CNTNAP2: variants seen among roughly 807,000 people sequenced by gnomAD.
CNTNAP2 encodes the protein contactin-associated protein-like 2.
In CNTNAP2, 98 loss-of-function variants were observed where a neutral mutation model predicts 155.2. That is an observed-to-expected ratio of 0.63 (90% CI 0.54 to 0.75). The LOEUF (loss-of-function observed/expected upper bound fraction) is 0.75, where lower values mean the gene tolerates loss of function less well. Among genes scored for constraint, CNTNAP2 ranks in the 30% least tolerant of loss-of-function variants. The probability of loss-of-function intolerance (pLI) is 0.00; values close to 1 mark genes in which losing one functional copy is unlikely to be tolerated. For synonymous variants in CNTNAP2, 651 were observed against 631.2 expected (o/e 1.03, Z -0.47); for missense variants, 1,727 against 1,688.1 (o/e 1.02, Z -0.40).
At chr7:148,126,596 AAGTC>A (rs778511515) in intron 16 of CNTNAP2, among the ~76,000 whole-genome samples, 72 of 152,202 alleles carry the variant, frequency 4.7e-4, no homozygotes, top group Non-Finnish European at 8.5e-4. Context: ...GCTGCGGAGA[AAGTC>A]AGGGCACTGG....
intron 12 of CNTNAP2, among the ~76,000 whole-genome samples, chr7:147,621,943 T>C (rs28791021): frequency 0.02 from 3,086 of 151,932 alleles, 112 homozygotes; most frequent in African/African-American, 0.07. Flanking sequence ...GAAAAAGATA[T>C]ATTCCATGCA....
At chr7:147,260,931 C>T (rs1345019556) in intron 8 of CNTNAP2, among the ~76,000 whole-genome samples, 1 of 152,164 alleles carries the variant, frequency 6.6e-6, no homozygotes, top group South Asian at 2.1e-4. Context: ...GAAGCTCCAA[C>T]AATCAGCGTT....
At chr7:146,888,828 C>T (rs1795720637) in intron 3 of CNTNAP2, among the ~76,000 whole-genome samples, 1 of 151,630 alleles carries the variant, frequency 6.6e-6, no homozygotes, top group African/African-American at 2.4e-5. Context: ...GAGTGGTTGC[C>T]AGGGGATAAG....
At chr7:148,194,758 A>G (rs1302781596) in intron 18 of CNTNAP2, among the ~76,000 whole-genome samples, 1 of 152,164 alleles carries the variant, frequency 6.6e-6, no homozygotes, top group Non-Finnish European at 1.5e-5. Flanking sequence ...CTCAAGAAAA[A>G]AAAGAGACAA....
intron 21 of CNTNAP2, among the ~76,000 whole-genome samples, chr7:148,365,763 T>TGC (rs1426024921): frequency 0.021 from 1,663 of 80,492 alleles, 567 homozygotes; most frequent in Non-Finnish European, 0.03. Context: ...TGTATGTGTA[T>TGC]ACGTGTATAC....
chr7:148,083,186 G>A (rs1316965663), intron 15 of CNTNAP2, among the ~76,000 whole-genome samples: 2 of 152,196 alleles, frequency 1.3e-5, no homozygotes. Context: ...GCTTTGTCGA[G>A]ATGGGAGATA....
intron 12 of CNTNAP2, among the ~76,000 whole-genome samples, chr7:147,596,200 G>A (rs1402374759): frequency 6.6e-6 from 1 of 151,976 alleles, no homozygotes; most frequent in African/African-American, 2.4e-5. Flanking sequence ...CAAAAAACTG[G>A]CAGTCATCAT....
chr7:147,757,363 C>T (rs889019086), intron 13 of CNTNAP2, among the ~76,000 whole-genome samples: 1 of 152,136 alleles, frequency 6.6e-6, no homozygotes, highest in African/African-American at 2.4e-5. Flanking sequence ...TTCAAAGAAA[C>T]AAAATTCCAG....
At chr7:148,372,117 G>A (rs575797435) in intron 21 of CNTNAP2, among the ~76,000 whole-genome samples, 6 of 152,108 alleles carry the variant, frequency 3.9e-5, no homozygotes, top group Middle Eastern at 3.4e-3. Context: ...CAGGAGCATC[G>A]CGTGAACCTG....
At chr7:146,708,795 C>T (rs1281762574) in intron 1 of CNTNAP2, among the ~76,000 whole-genome samples, 1 of 151,598 alleles carries the variant, frequency 6.6e-6, no homozygotes, top group Non-Finnish European at 1.5e-5. Context: ...GCCTTGTTAG[C>T]CAGGCTGGTC....
chr7:147,599,722 A>T (rs1226628546), intron 12 of CNTNAP2, among the ~76,000 whole-genome samples: 1 of 152,048 alleles, frequency 6.6e-6, no homozygotes, highest in South Asian at 2.1e-4. Flanking sequence ...ATCACATGGT[A>T]TTCTCCATGT....
chr7:147,626,173 G>A (rs572143416), intron 12 of CNTNAP2, among the ~76,000 whole-genome samples: 5 of 152,144 alleles, frequency 3.3e-5, no homozygotes, highest in African/African-American at 1.2e-4. Flanking sequence ...TGAAGTCCAG[G>A]AGACAAGCAG....
chr7:148,395,749 A>T (rs1283270824), intron 22 of CNTNAP2, among the ~76,000 whole-genome samples: 4 of 152,146 alleles, frequency 2.6e-5, no homozygotes, highest in African/African-American at 9.7e-5. Flanking sequence ...TGGCCGTGTC[A>T]GGGGCTGCCT....
chr7:146,976,725 G>A (rs1336037646), intron 3 of CNTNAP2, among the ~76,000 whole-genome samples: 2 of 152,086 alleles, frequency 1.3e-5, no homozygotes, highest in Admixed American at 1.3e-4. Context: ...CATTGGACAG[G>A]CATGATTGAA....
chr7:147,528,905 C>T (rs895097454), intron 11 of CNTNAP2, among the ~76,000 whole-genome samples: 1 of 152,078 alleles, frequency 6.6e-6, no homozygotes, highest in Non-Finnish European at 1.5e-5. Context: ...TAGATGAGCT[C>T]AGAACATATA....
At chr7:146,946,886 T>C (rs1300739133) in intron 3 of CNTNAP2, among the ~76,000 whole-genome samples, 1 of 152,062 alleles carries the variant, frequency 6.6e-6, no homozygotes, top group Non-Finnish European at 1.5e-5. Flanking sequence ...AAACTGATAA[T>C]TGAAAAAGAG....
chr7:146,504,915 A>G (rs550851752), intron 1 of CNTNAP2, among the ~76,000 whole-genome samples: 3 of 152,248 alleles, frequency 2.0e-5, no homozygotes, highest in Admixed American at 1.3e-4. Flanking sequence ...TGGTGATAAC[A>G]TATTATATGT....
intron 1 of CNTNAP2, among the ~76,000 whole-genome samples, chr7:146,570,354 G>T (rs1026073262): frequency 1.3e-5 from 2 of 152,040 alleles, no homozygotes; most frequent in Non-Finnish European, 2.9e-5. Flanking sequence ...TGATATTTTG[G>T]TCCCACTATT....
intron 3 of CNTNAP2, among the ~76,000 whole-genome samples, chr7:146,860,121 T>G (rs1454607425): frequency 6.6e-6 from 1 of 152,252 alleles, no homozygotes; most frequent in East Asian, 1.9e-4. Flanking sequence ...TTATCAAGTT[T>G]ATTTTTATTG....
Sources: allele counts gnomAD v4.1 joint callset (sites outside exome capture counted in the v4.1 genomes callset), GRCh38; gene constraint gnomAD v4.1.1; transcripts MANE v1.5; gene names NCBI Gene and HGNC (gene_info 2026-07-23, HGNC 2026-07-21).